Variants in LOC400499 observed in about 807,000 individuals in gnomAD.
At chr16:11,414,272 C>T in the LOC400499 span, 2 of 399,064 alleles carry the variant, frequency 5.0e-6, no homozygotes, top group Non-Finnish European at 8.8e-6. Flanking sequence ...CACAGCGGGT[C>T]CTCTGCACAC....
chr16:11,438,823 G>A, the LOC400499 span, among the ~76,000 whole-genome samples: 35 of 150,354 alleles, frequency 2.3e-4, no homozygotes, highest in African/African-American at 7.8e-4. Context: ...GGCTAGGTGC[G>A]GTGGCTCATG....
At chr16:11,448,945 T>G in the LOC400499 span, 2 of 1,497,056 alleles carry the variant, frequency 1.3e-6, no homozygotes, top group Non-Finnish European at 1.8e-6. Flanking sequence ...TAGGCCGCTG[T>G]TAGGTTCAGC....
the LOC400499 span, among the ~76,000 whole-genome samples, chr16:11,439,959 T>C: frequency 6.6e-6 from 1 of 152,076 alleles, no homozygotes; most frequent in Admixed American, 6.6e-5. Flanking sequence ...GGGTTGCTGT[T>C]ACCATCCCAT....
the LOC400499 span, among the ~76,000 whole-genome samples, chr16:11,428,329 G>A: frequency 1.3e-5 from 2 of 152,046 alleles, no homozygotes; most frequent in Admixed American, 6.6e-5. Flanking sequence ...GTGCCACCAC[G>A]CCTGGCTAAT....
At chr16:11,521,058 G>A in the LOC400499 span, among the ~76,000 whole-genome samples, 5 of 152,188 alleles carry the variant, frequency 3.3e-5, no homozygotes, top group Admixed American at 2.0e-4. Context: ...GTTTTGAAGG[G>A]TGTAAAAGGA....
the LOC400499 span, chr16:11,448,028 G>A: frequency 1.3e-6 from 2 of 1,536,030 alleles, no homozygotes; most frequent in Non-Finnish European, 8.7e-7. Context: ...GGCTGGCCCT[G>A]GGCACCAATC....
At chr16:11,377,215 G>A in the LOC400499 span, among the ~76,000 whole-genome samples, 1 of 152,186 alleles carries the variant, frequency 6.6e-6, no homozygotes, top group African/African-American at 2.4e-5. Context: ...CTGAAACTTT[G>A]ACAAATTATT....
At chr16:11,467,701 T>C in the LOC400499 span, among the ~76,000 whole-genome samples, 1 of 152,332 alleles carries the variant, frequency 6.6e-6, no homozygotes, top group East Asian at 1.9e-4. Flanking sequence ...CCTCAAAACT[T>C]GTTACATCAT....
the LOC400499 span, chr16:11,398,231 G>T: frequency 1.1e-6 from 1 of 870,800 alleles, no homozygotes; most frequent in Non-Finnish European, 1.5e-6. Flanking sequence ...GAGCCACGAT[G>T]GTGGCGTCTG....
At chr16:11,409,314 G>T in the LOC400499 span, among the ~76,000 whole-genome samples, 2 of 152,032 alleles carry the variant, frequency 1.3e-5, no homozygotes, top group Non-Finnish European at 2.9e-5. Flanking sequence ...GGGTAAGGAA[G>T]GGTAGGGTGT....
chr16:11,393,399 T>C, the LOC400499 span: 18 of 1,232,280 alleles, frequency 1.5e-5, 1 homozygote, highest in East Asian at 5.4e-4. Flanking sequence ...ACCCTCCTCA[T>C]GGGCCACAGA....
the LOC400499 span, chr16:11,460,878 TC>T: frequency 7.0e-7 from 1 of 1,427,138 alleles, no homozygotes; most frequent in Non-Finnish European, 9.2e-7. Context: ...TGACAGCGTA[TC>T]TCAGCTCACG....
the LOC400499 span, among the ~76,000 whole-genome samples, chr16:11,456,424 T>C: frequency 6.6e-6 from 1 of 151,972 alleles, no homozygotes; most frequent in Non-Finnish European, 1.5e-5. Context: ...CCCTGGAGTG[T>C]GTCTGGGGAA....
chr16:11,477,886 C>G, the LOC400499 span: 1 of 399,018 alleles, frequency 2.5e-6, no homozygotes, highest in Non-Finnish European at 4.4e-6. Flanking sequence ...TTCCTCGGAC[C>G]CGGATGCTGA....
At chr16:11,495,697 G>A in the LOC400499 span, among the ~76,000 whole-genome samples, 1 of 152,182 alleles carries the variant, frequency 6.6e-6, no homozygotes, top group Admixed American at 6.5e-5. Context: ...ACAAATCTTA[G>A]TAAACAAACT....
chr16:11,422,508 C>T, the LOC400499 span, among the ~76,000 whole-genome samples: 2 of 152,180 alleles, frequency 1.3e-5, no homozygotes, highest in African/African-American at 4.8e-5. Flanking sequence ...GCAGCAACAG[C>T]GGCAGCAGCT....
chr16:11,430,866 T>C, the LOC400499 span, among the ~76,000 whole-genome samples: 1 of 152,238 alleles, frequency 6.6e-6, no homozygotes, highest in South Asian at 2.1e-4. Flanking sequence ...AGAATGCATG[T>C]TCATTTCTCA....
the LOC400499 span, among the ~76,000 whole-genome samples, chr16:11,424,919 G>C: frequency 6.6e-6 from 1 of 152,158 alleles, no homozygotes. Flanking sequence ...CTGTCAATAC[G>C]GTAACAACTG....
the LOC400499 span, among the ~76,000 whole-genome samples, chr16:11,465,989 G>A: frequency 6.6e-6 from 1 of 152,228 alleles, no homozygotes; most frequent in Admixed American, 6.5e-5. Flanking sequence ...ACTCTGCAGA[G>A]AGAATGGTGT....
Sources: allele counts gnomAD v4.1 joint callset (sites outside exome capture counted in the v4.1 genomes callset), GRCh38; gene constraint gnomAD v4.1.1; transcripts MANE v1.5.